Variants in NKAIN2 observed in about 807,000 individuals in gnomAD.
NKAIN2 encodes sodium/potassium transporting ATPase interacting 2.
NKAIN2 carries 14 observed loss-of-function variants against 32.6 expected under a neutral mutation model. That is an observed-to-expected ratio of 0.43 (90% CI 0.28 to 0.67). NKAIN2 has a LOEUF of 0.67. Ranked by LOEUF, NKAIN2 falls within the 30% of genes least tolerant of loss-of-function variation. The pLI is 0.17. For missense variants in NKAIN2, 198 were observed against 258.3 expected (o/e 0.77, Z 1.60); for synonymous variants, 80 against 87.2 (o/e 0.92, Z 0.46).
At chr6:124,442,796 A>T (rs1166833826) in intron 3 of NKAIN2, among the ~76,000 whole-genome samples, 3 of 152,112 alleles carry the variant, frequency 2.0e-5, no homozygotes, top group South Asian at 4.1e-4. Context: ...CTCCAGGATC[A>T]TACAGTCTAT....
chr6:123,832,868 G>T (rs942607515), intron 1 of NKAIN2, among the ~76,000 whole-genome samples: 2 of 152,186 alleles, frequency 1.3e-5, no homozygotes, highest in South Asian at 2.1e-4. Flanking sequence ...TATATTTTGG[G>T]TAATAGTCTT....
intron 1 of NKAIN2, among the ~76,000 whole-genome samples, chr6:124,275,796 A>G (rs1195661958): frequency 6.6e-6 from 1 of 151,270 alleles, no homozygotes; most frequent in Non-Finnish European, 1.5e-5. Context: ...GCACTAAAAC[A>G]TGATTTCAAA....
chr6:124,789,896 A>G (rs530547468), intron 4 of NKAIN2, among the ~76,000 whole-genome samples: 6 of 152,100 alleles, frequency 3.9e-5, no homozygotes, highest in Admixed American at 1.3e-4. Flanking sequence ...AGTGGTATTT[A>G]TTTTTGACTC....
intron 3 of NKAIN2, among the ~76,000 whole-genome samples, chr6:124,507,012 A>G (rs1778512765): frequency 6.6e-6 from 1 of 152,226 alleles, no homozygotes; most frequent in Admixed American, 6.5e-5. Flanking sequence ...ATTAAAGTCT[A>G]AGAAGCTCTA....
chr6:124,331,820 T>C (rs931407697), intron 2 of NKAIN2, among the ~76,000 whole-genome samples: 2 of 152,194 alleles, frequency 1.3e-5, no homozygotes, highest in African/African-American at 2.4e-5. Flanking sequence ...CATAGAATTA[T>C]GAATTTGATA....
At chr6:124,294,760 T>G (rs1416062397) in intron 2 of NKAIN2, among the ~76,000 whole-genome samples, 1 of 152,148 alleles carries the variant, frequency 6.6e-6, no homozygotes, top group Non-Finnish European at 1.5e-5. Flanking sequence ...TATTTGTAGA[T>G]GTCTTGTCAG....
chr6:124,019,272 A>G (rs1780749470), intron 1 of NKAIN2, among the ~76,000 whole-genome samples: 1 of 152,174 alleles, frequency 6.6e-6, no homozygotes, highest in African/African-American at 2.4e-5. Flanking sequence ...CTTTCTAGCC[A>G]TAAAAAGTAA....
At chr6:124,626,926 A>G (rs1783375619) in intron 3 of NKAIN2, among the ~76,000 whole-genome samples, 1 of 152,192 alleles carries the variant, frequency 6.6e-6, no homozygotes, top group Non-Finnish European at 1.5e-5. Flanking sequence ...AATTTGTATT[A>G]GAAAAGTGTA....
intron 3 of NKAIN2, among the ~76,000 whole-genome samples, chr6:124,485,321 C>T (rs2114710007): frequency 6.6e-6 from 1 of 152,132 alleles, no homozygotes; most frequent in East Asian, 1.9e-4. Flanking sequence ...AGAACCACTG[C>T]CCTACATCAC....
intron 3 of NKAIN2, among the ~76,000 whole-genome samples, chr6:124,429,047 T>G (rs1775098314): frequency 6.6e-6 from 1 of 152,106 alleles, no homozygotes; most frequent in African/African-American, 2.4e-5. Context: ...TACTCTTTTT[T>G]TTATGTTTTG....
intron 2 of NKAIN2, among the ~76,000 whole-genome samples, chr6:124,303,431 G>C (rs1457575535): frequency 6.6e-6 from 1 of 152,174 alleles, no homozygotes; most frequent in East Asian, 1.9e-4. Context: ...TTACTACAGG[G>C]AAAGAGTTTA....
At chr6:124,416,803 G>A (rs1239867605) in intron 3 of NKAIN2, among the ~76,000 whole-genome samples, 3 of 152,094 alleles carry the variant, frequency 2.0e-5, no homozygotes, top group African/African-American at 7.2e-5. Flanking sequence ...GTCCAGCCAA[G>A]GTGGTATCAG....
rs1778151865 is a variant in NKAIN2 at position 123,967,721 on chromosome 6, A to AACT, written c.54+163470_54+163472dup. Among the ~76,000 whole-genome samples, 6 of 152,304 alleles carry AACT rather than the reference A, an allele frequency of 3.9e-5. No individual in the cohort carries two copies. The South Asian group carries it at 1.2e-3, about 32-fold the overall frequency. On this transcript the variant is annotated intron_variant, in intron 1 of 6. Coordinates refer to ENST00000368417, the MANE Select transcript of NKAIN2 (RefSeq NM_001040214.3). Reference sequence around the variant, plus strand: ...TGTGTGTATATATACACATACTCACAACTACATAGATATAGTATACATTTG... The same window carrying AACT: ...TGTGTGTATATATACACATACTCACAACTACTACATAGATATAGTATACATTTG...
chr6:124,196,750 T>C (rs1790334657), intron 1 of NKAIN2, among the ~76,000 whole-genome samples: 1 of 152,080 alleles, frequency 6.6e-6, no homozygotes, highest in Non-Finnish European at 1.5e-5. Context: ...ATATTGAAGA[T>C]CAATCAGTGT....
chr6:124,625,969 T>G (rs1262275892), intron 3 of NKAIN2, among the ~76,000 whole-genome samples: 1 of 151,728 alleles, frequency 6.6e-6, no homozygotes, highest in Non-Finnish European at 1.5e-5. Context: ...ATACTTTAAG[T>G]TTTAGGGTAC....
At chr6:123,813,242 G>T (rs1038995957) in intron 1 of NKAIN2, among the ~76,000 whole-genome samples, 1 of 152,206 alleles carries the variant, frequency 6.6e-6, no homozygotes, top group African/African-American at 2.4e-5. Flanking sequence ...TGTGCTGATT[G>T]TCCCGGGATT....
Position 124,479,310 on chromosome 6 carries a change from C to G in NKAIN2, c.273+123963C>G, listed in dbSNP as rs2114695347. 1.3e-5 allele frequency among the ~76,000 whole-genome samples: 2 copies of G among 152,188 alleles called. 1 individual carries two copies. Among genetic ancestry groups the G allele is most frequent in the Middle Eastern group, 6.8e-3 (2 of 292 alleles). ...GGTTCCTTAGCTATGGGAAACATAC[C>G]ATACCAATGTGAGATGTTAATAATA... On this transcript the variant is annotated intron_variant, in intron 3 of 6. Transcript: ENST00000368417.
chr6:124,361,989 T>A (rs1166553465), intron 3 of NKAIN2, among the ~76,000 whole-genome samples: 1 of 152,124 alleles, frequency 6.6e-6, no homozygotes, highest in Non-Finnish European at 1.5e-5. Context: ...TGTAAAAAGA[T>A]GGTATGCAGA....
intron 1 of NKAIN2, among the ~76,000 whole-genome samples, chr6:124,155,933 G>A (rs571519758): frequency 2.0e-5 from 3 of 149,304 alleles, no homozygotes; most frequent in Non-Finnish European, 4.4e-5. Flanking sequence ...GGGAAGCCCA[G>A]AGATGCAAAT....
Sources: gnomAD v4.1 joint callset for allele counts (sites outside exome capture counted in the v4.1 genomes callset) on GRCh38, gnomAD v4.1.1 for gene constraint, MANE v1.5 for transcripts, NCBI Gene and HGNC (gene_info 2026-07-23, HGNC 2026-07-21) for gene names.